Variants in DSCAML1 observed in about 807,000 individuals in gnomAD.
DSCAML1 encodes DS cell adhesion molecule like 1.
A neutral mutation model predicts 200.5 loss-of-function variants in DSCAML1; 38 were observed. That is an observed-to-expected ratio of 0.19 (90% CI 0.15 to 0.25). The LOEUF is 0.25. Among genes scored for constraint, DSCAML1 ranks in the 10% least tolerant of loss-of-function variants. The pLI is 1.00. For synonymous variants in DSCAML1, 1,215 were observed against 1,165.0 expected, an observed-to-expected ratio of 1.04 and a Z score of -0.87; for missense variants, 2,223 against 2,858.8, an observed-to-expected ratio of 0.78 and a Z score of 5.07.
intron 3 of DSCAML1, among the ~76,000 whole-genome samples, chr11:117,672,301 T>C (rs1239255024): frequency 6.6e-6 from 1 of 151,986 alleles, no homozygotes; most frequent in Non-Finnish European, 1.5e-5. Flanking sequence ...CAGTCCCTGT[T>C]GTATAATTTG....
intron 11 of DSCAML1, among the ~76,000 whole-genome samples, chr11:117,491,054 T>TCAGTTGTGAATACC (rs1218105833): frequency 6.6e-6 from 1 of 152,120 alleles, no homozygotes; most frequent in East Asian, 1.9e-4. Flanking sequence ...GAGTGAAGAT[T>TCAGTTGTGAATACC]CAGTTGTGAA....
At chr11:117,440,203 G>A (rs376175779) in intron 21 of DSCAML1, among the ~76,000 whole-genome samples, 3 of 152,184 alleles carry the variant, frequency 2.0e-5, no homozygotes, top group Non-Finnish European at 2.9e-5. Context: ...CTGTCCTCAC[G>A]TTGATCACCA....
intron 3 of DSCAML1, among the ~76,000 whole-genome samples, chr11:117,704,577 A>G (rs1278088174): frequency 6.6e-6 from 1 of 152,182 alleles, no homozygotes; most frequent in Non-Finnish European, 1.5e-5. Flanking sequence ...AGGGAGGAGC[A>G]GGAGCTGCGG....
At position 117,439,333 on chromosome 11, in the gene DSCAML1, G is replaced by A. The variant is rs1445497467; in HGVS notation, c.4077C>T (p.Gly1359=). The A allele has an allele frequency of 1.9e-6, 3 of 1,613,960 alleles. No homozygotes were observed. Among genetic ancestry groups the A allele is most frequent in the Non-Finnish European group, 2.5e-6 (3 of 1,180,032 alleles). Residue 1359 remains glycine, a synonymous_variant, in exon 23 of 33, where the codon GGC becomes GGT. Transcript: ENST00000651296. ...LLRAVKAEDS[G]YYTCTATNTG... is the part of the protein sequence containing the mutation. ...TGTTGGTGGCCGTGCACGTGTAGTA[G>A]CCAGAGTCCTCAGCCTTCACTGCAC...
At chr11:117,729,791 C>T (rs78036667) in intron 3 of DSCAML1, among the ~76,000 whole-genome samples, 1,529 of 152,284 alleles carry the variant, frequency 0.01, 13 homozygotes, top group Middle Eastern at 0.027. Context: ...TCCCCTAGAA[C>T]AGGTGAATAT....
intron 3 of DSCAML1, among the ~76,000 whole-genome samples, chr11:117,660,256 C>T (rs779019035): frequency 3.9e-5 from 6 of 152,158 alleles, no homozygotes; most frequent in Non-Finnish European, 5.9e-5. Context: ...CACCAAAGGC[C>T]CGCCCCTTCC....
At chr11:117,644,965 G>A (rs2052492592) in intron 3 of DSCAML1, among the ~76,000 whole-genome samples, 1 of 152,244 alleles carries the variant, frequency 6.6e-6, no homozygotes, top group African/African-American at 2.4e-5. Flanking sequence ...AGACCCCGCA[G>A]GCCGCCTCAG....
intron 23 of DSCAML1, 117 bp from the exon 24 acceptor site, chr11:117,439,100 T>A: frequency 7.6e-7 from 1 of 1,315,480 alleles, no homozygotes; most frequent in East Asian, 2.5e-5. Flanking sequence ...CCACTCCCAC[T>A]CCCCAGCTCT....
chr11:117,486,489 T>C (rs1013905507), intron 11 of DSCAML1, among the ~76,000 whole-genome samples: 26 of 134,566 alleles, frequency 1.9e-4, no homozygotes, highest in Middle Eastern at 3.7e-3. Context: ...GTGAAAATGG[T>C]GGATGTGAAA....
intron 3 of DSCAML1, among the ~76,000 whole-genome samples, chr11:117,541,160 G>A (rs889406328): frequency 6.6e-6 from 1 of 152,192 alleles, no homozygotes; most frequent in African/African-American, 2.4e-5. Flanking sequence ...ATTCCTTTTG[G>A]CCTGAAATGC....
chr11:117,577,439 TCCTTCCTTCCTTCCTTC>T (rs1438818046), intron 3 of DSCAML1, among the ~76,000 whole-genome samples: 201 of 69,414 alleles, frequency 2.9e-3, no homozygotes, highest in African/African-American at 6.7e-3. Flanking sequence ...CTTCCTTCTT[TCCTTCCTTCCTTCCTTC>T]CTTTCCTTCC....
chr11:117,482,502 G>A (rs529721597), intron 11 of DSCAML1, among the ~76,000 whole-genome samples: 5 of 152,264 alleles, frequency 3.3e-5, no homozygotes, highest in South Asian at 2.1e-4. Context: ...GCAAACCTTC[G>A]ATATCGTATA....
At chr11:117,597,782 T>C (rs1022726495) in intron 3 of DSCAML1, among the ~76,000 whole-genome samples, 6 of 152,176 alleles carry the variant, frequency 3.9e-5, no homozygotes, top group African/African-American at 1.2e-4. Flanking sequence ...TTGGGTGCTG[T>C]CTTCTCCTGA....
In DSCAML1 at chr11:117,696,743, A is replaced by G. The variant is rs186126214; in HGVS notation, c.511+80048T>C. ...CGTCTATTTAATTGCTCTCCCTTCCATTATCTGGCTTCACATGGGGGCTGG... is the reference window on the plus strand; with the variant it reads ...CGTCTATTTAATTGCTCTCCCTTCCGTTATCTGGCTTCACATGGGGGCTGG... On this transcript the variant is annotated intron_variant, in intron 3 of 32. Coordinates refer to ENST00000651296, the MANE Select transcript of DSCAML1 (RefSeq NM_020693.4). Among the ~76,000 whole-genome samples the G allele has an allele frequency of 8.6e-4, 131 of 152,192 alleles. 1 individual carries two copies. The highest frequency in any genetic ancestry group is 6.8e-3 in the Middle Eastern group (2 of 294).
At chr11:117,511,963 C>T (rs1389162759) in intron 8 of DSCAML1, among the ~76,000 whole-genome samples, 2 of 152,242 alleles carry the variant, frequency 1.3e-5, no homozygotes, top group Non-Finnish European at 2.9e-5. Context: ...TGGGCGTGTG[C>T]TGCTGTTCGC....
rs144946966 is a variant in DSCAML1 at position 117,517,773 on chromosome 11, C to T, written c.1510+693G>A. Among the ~76,000 whole-genome samples the T allele has an allele frequency of 7.4e-3, 1,122 of 152,298 alleles. 11 individuals carry two copies. The highest frequency in any genetic ancestry group is 0.035 in the South Asian group (169 of 4,818). ...CAGATGAAGACCAGTCAGACCCCATCGGGCTACAAAGAGCTTCAGAGGAGA... is the reference window on the plus strand; with the variant it reads ...CAGATGAAGACCAGTCAGACCCCATTGGGCTACAAAGAGCTTCAGAGGAGA... On this transcript the variant is annotated intron_variant, in intron 7 of 32. Transcript: ENST00000651296.
chr11:117,606,381 T>G (rs938700839), intron 3 of DSCAML1, among the ~76,000 whole-genome samples: 7 of 152,198 alleles, frequency 4.6e-5, no homozygotes, highest in African/African-American at 1.7e-4. Context: ...TGAGAGTGCA[T>G]AGCTGTGCAA....
chr11:117,679,410 G>C (rs984251353), intron 3 of DSCAML1, among the ~76,000 whole-genome samples: 1 of 152,192 alleles, frequency 6.6e-6, no homozygotes, highest in Admixed American at 6.5e-5. Context: ...TGACAGACTG[G>C]GTTGCATTCA....
At position 117,503,579 on chromosome 11, in the gene DSCAML1, C is replaced by T. The variant is rs1273933915; in HGVS notation, c.2359+266G>A. On this transcript the variant is annotated intron_variant, in intron 11 of 32. Coordinates refer to ENST00000651296, the MANE Select transcript of DSCAML1 (RefSeq NM_020693.4). The surrounding 1 kb of genome is among the most constrained non-coding windows in gnomAD (Gnocchi z 5.2). ...ACAGACCAAAGTAAACAGGATGCTA[C>T]GTGATATTGCAGCAGAGCAAATCAT... Among the ~76,000 whole-genome samples, 4 of 152,150 alleles carry T rather than the reference C, an allele frequency of 2.6e-5. No individual in the cohort carries two copies. Among genetic ancestry groups the T allele is most frequent in the Non-Finnish European group, 4.4e-5 (3 of 68,028 alleles).
Sources: gnomAD v4.1 joint callset for allele counts (sites outside exome capture counted in the v4.1 genomes callset) on GRCh38, gnomAD v4.1.1 for gene constraint, Gnocchi (gnomAD v3.1) non-coding constraint, MANE v1.5 for transcripts, NCBI Gene and HGNC (gene_info 2026-07-23, HGNC 2026-07-21) for gene names.